The following INTS6 variants were observed in gnomAD, a reference collection of about 807,000 sequenced individuals.
The protein encoded by INTS6 is DEAD box protein.
Under a neutral mutation model 104.9 loss-of-function variants are expected in INTS6, and 16 were observed. The ratio of observed to expected loss-of-function variants is 0.15; its 90% CI spans 0.10 to 0.23. INTS6 has a LOEUF of 0.23. Among genes scored for constraint, INTS6 ranks in the 10% least tolerant of loss-of-function variants. The pLI is 1.00. For synonymous variants in INTS6, 324 were observed against 358.7 expected, an observed-to-expected ratio of 0.90 and a Z score of 1.09; for missense variants, 584 against 1,062.8, an observed-to-expected ratio of 0.55 and a Z score of 6.26.
chr13:51,375,734 GGTGTGTGT>G (rs71684515), intron 13 of INTS6, among the ~76,000 whole-genome samples: 30 of 147,682 alleles, frequency 2.0e-4, no homozygotes, highest in East Asian at 6.4e-4. Context: ...TTGATAAGTG[GGTGTGTGT>G]GTGTGTGTGT....
chr13:51,406,637 C>T (rs1315534975), intron 4 of INTS6, among the ~76,000 whole-genome samples: 3 of 152,160 alleles, frequency 2.0e-5, no homozygotes, highest in Non-Finnish European at 2.9e-5. Flanking sequence ...CCCTCTCCTC[C>T]ACCCCCTACC....
the INTS6 span, chr13:51,339,382 T>G: frequency 2.6e-5 from 4 of 152,202 alleles, no homozygotes; most frequent in Non-Finnish European, 5.9e-5. Context: ...GTGGAATTCC[T>G]CAATGTGACA....
chr13:51,346,785 CA>C, the INTS6 span, among the ~76,000 whole-genome samples: 3 of 152,282 alleles, frequency 2.0e-5, no homozygotes, highest in Non-Finnish European at 4.4e-5. Flanking sequence ...CAACAGTCCC[CA>C]AAAGTTGAGA....
downstream of INTS6, among the ~76,000 whole-genome samples, chr13:51,350,166 A>G (rs1955390560): frequency 6.6e-6 from 1 of 152,170 alleles, no homozygotes; most frequent in South Asian, 2.1e-4. Context: ...GTGGGTAGCA[A>G]TGCAAAATTG....
intron 5 of INTS6, among the ~76,000 whole-genome samples, chr13:51,391,869 A>C (rs1956251168): frequency 1.3e-5 from 2 of 152,234 alleles, no homozygotes; most frequent in African/African-American, 4.8e-5. Flanking sequence ...TGATATATTT[A>C]ACAACATGTC....
chr13:51,337,944 G>C, the INTS6 span, among the ~76,000 whole-genome samples: 26 of 152,142 alleles, frequency 1.7e-4, no homozygotes, highest in Admixed American at 6.5e-4. Flanking sequence ...CAGGTTCAAG[G>C]CTGAGTACAC....
the INTS6 span, among the ~76,000 whole-genome samples, chr13:51,338,342 G>C: frequency 6.6e-6 from 1 of 152,156 alleles, no homozygotes; most frequent in African/African-American, 2.4e-5. Context: ...TCCCATAGAA[G>C]CTGAGCCCAG....
chr13:51,341,401 T>G, the INTS6 span: 1 of 1,478,984 alleles, frequency 6.8e-7, no homozygotes, highest in Non-Finnish European at 9.2e-7. Context: ...ACACTCACAC[T>G]CTCTCCAGCT....
the INTS6 span, among the ~76,000 whole-genome samples, chr13:51,336,496 T>C: frequency 6.6e-6 from 1 of 151,832 alleles, no homozygotes; most frequent in Non-Finnish European, 1.5e-5. Flanking sequence ...CAAAAAAAAA[T>C]TAATTAAAAA....
intron 17 of INTS6, among the ~76,000 whole-genome samples, chr13:51,366,400 T>TAA (rs1368085907): frequency 6.6e-6 from 1 of 152,010 alleles, no homozygotes. Context: ...AGCAAGCAGT[T>TAA]AAAGTTCAAG....
Position 51,380,440 on chromosome 13 carries a change from C to A in INTS6, c.1276-868G>T, listed in dbSNP as rs369793818. 2.6e-5 allele frequency among the ~76,000 whole-genome samples: 4 copies of A among 152,280 alleles called. No individual in the cohort carries two copies. In the East Asian group the frequency reaches 7.7e-4, roughly 29 times the overall value. On this transcript the variant is annotated intron_variant, in intron 10 of 17. Transcript: ENST00000311234. Reference sequence around the variant, plus strand: ...AAATCCCAGCCCTGATATTTAACACCTATCTGGCTTGGCTAAATCTTCAGG... The same window carrying A: ...AAATCCCAGCCCTGATATTTAACACATATCTGGCTTGGCTAAATCTTCAGG...
chr13:51,422,928 T>C, intron 4 of INTS6: 1 of 465,612 alleles, frequency 2.1e-6, no homozygotes, highest in Non-Finnish European at 3.4e-6. Context: ...TTCCTTACTC[T>C]TCCCTCAAAA....
rs902689603 is a variant in INTS6, at chr13:51,449,722, A to C, written c.339+1303T>G. 3 of 985,308 alleles carry C rather than the reference A, an allele frequency of 3.0e-6. No homozygotes were observed. The African/African-American group carries it at 5.2e-5, about 17-fold the overall frequency. 61.0% of individuals were successfully genotyped at this position (985,308 alleles called of 1,614,324 possible). A position where few individuals can be genotyped will look rare whatever the true frequency, so the allele number is the denominator to read the frequency against. ...TGCACTACATATCACAAAGGAATAT[A>C]AAAGAGAAGGAAATCCACTACTATT... On this transcript the variant is annotated intron_variant, in intron 3 of 17. Transcript: ENST00000311234.
At chr13:51,421,806 A>T (rs1956900316) in intron 4 of INTS6, among the ~76,000 whole-genome samples, 1 of 152,304 alleles carries the variant, frequency 6.6e-6, no homozygotes, top group African/African-American at 2.4e-5. Flanking sequence ...ATTAAATAAA[A>T]AATTAGGCTA....
intron 2 of INTS6, 105 bp downstream of exon 2, chr13:51,451,858 CTGGGAGCGCAGCGGG>C: frequency 1.8e-6 from 1 of 540,728 alleles, no homozygotes; most frequent in Non-Finnish European, 3.1e-6. Context: ...ACCTCAGCGG[CTGGGAGCGCAGCGGG>C]TGGGGGAGGG....
At chr13:51,335,263 G>T in the INTS6 span, among the ~76,000 whole-genome samples, 1 of 152,224 alleles carries the variant, frequency 6.6e-6, no homozygotes, top group Non-Finnish European at 1.5e-5. Context: ...TCTAAAATTG[G>T]CAAGGGATGT....
Position 51,452,071 on chromosome 13 carries a change from A to G in INTS6, c.112-16T>C. 2 of 1,607,432 alleles carry G rather than the reference A, an allele frequency of 1.2e-6. No homozygotes were observed. The highest frequency in any genetic ancestry group is 1.7e-6 in the Non-Finnish European group (2 of 1,176,790). Reference sequence around the variant, plus strand: ...GGGCACGGAGCTGCGGGACGGGAGGAGGAACAGGGCGGGCGACAGGGAAGC... The same window carrying G: ...GGGCACGGAGCTGCGGGACGGGAGGGGGAACAGGGCGGGCGACAGGGAAGC... On this transcript the variant is annotated splice_polypyrimidine_tract_variant and intron_variant, in intron 1 of 17. Coordinates refer to ENST00000311234, the MANE Select transcript of INTS6 (RefSeq NM_012141.3). This position sits in a 1 kb window ranked among gnomAD's most constrained non-coding sequence, Gnocchi z 4.2.
Position 51,363,966 on chromosome 13 carries a change from CTTG to C in INTS6, c.*1783_*1785del, listed in dbSNP as rs558755554. On this transcript the variant is annotated 3_prime_UTR_variant, in exon 18 of 18. Coordinates refer to ENST00000311234, the MANE Select transcript of INTS6 (RefSeq NM_012141.3). ...GGGCTGAATCTCTTTCCTAGATACT[CTTG>C]TTAAGTATGAATTTTTATCTGAATG... is the stretch of plus-strand genomic sequence containing the variant. 748 of 244,186 alleles carry C rather than the reference CTTG, an allele frequency of 3.1e-3. 3 individuals carry two copies. Among genetic ancestry groups the C allele is most frequent in the Non-Finnish European group, 4.2e-3 (547 of 130,216 alleles). The allele number at this position is 244,186 out of a possible 1,614,324, so 15.1% of individuals were successfully genotyped here.
At chr13:51,366,686 A>T (rs1447778285) in intron 17 of INTS6, among the ~76,000 whole-genome samples, 1 of 152,042 alleles carries the variant, frequency 6.6e-6, no homozygotes, top group Non-Finnish European at 1.5e-5. Context: ...AATACTCAAA[A>T]TTACATGAAA....
Sources: allele counts gnomAD v4.1 joint callset (sites outside exome capture counted in the v4.1 genomes callset), GRCh38; gene constraint gnomAD v4.1.1; non-coding constraint Gnocchi (gnomAD v3.1); transcripts MANE v1.5; gene names NCBI Gene and HGNC (gene_info 2026-07-23, HGNC 2026-07-21).